SCUBE1: variants seen among roughly 807,000 people sequenced by gnomAD.
SCUBE1 encodes signal peptide, CUB and EGF-like domain-containing protein 1.
Under a neutral mutation model 124.4 loss-of-function variants are expected in SCUBE1, and 59 were observed. The ratio of observed to expected loss-of-function variants is 0.47; its 90% confidence interval spans 0.38 to 0.59. The LOEUF (loss-of-function observed/expected upper bound fraction) is 0.59. Among genes scored for constraint, SCUBE1 ranks in the 20% least tolerant of loss-of-function variants. The pLI, the probability that SCUBE1 is intolerant of heterozygous loss-of-function variation, is 0.00. For missense variants in SCUBE1, 1,150 were observed against 1,371.2 expected (o/e 0.84, Z 2.55); for synonymous variants, 545 against 550.9 (o/e 0.99, Z 0.15).
intron 16 of SCUBE1, chr22:43,213,247 CACGGAATCTCCT>C (rs1203665416): frequency 6.6e-6 from 1 of 152,438 alleles, no homozygotes; most frequent in African/African-American, 2.4e-5. Flanking sequence ...TCTACCCAAA[CACGGAATCTCCT>C]ACCAGTGGCC....
intron 2 of SCUBE1, 42 bp downstream of exon 2, chr22:43,339,062 G>C (rs1192213073): frequency 6.2e-7 from 1 of 1,609,828 alleles, no homozygotes; most frequent in Non-Finnish European, 8.5e-7. Context: ...CAGCAGCCCT[G>C]GCAGCCTCAG....
At position 43,332,914 on chromosome 22, in the gene SCUBE1, G is replaced by C. The variant is rs1437333592; in HGVS notation, c.220+6190C>G. Among the ~76,000 whole-genome samples, 3 of 152,310 alleles carry C rather than the reference G, an allele frequency of 2.0e-5. No individual in the cohort carries two copies. In the East Asian group the frequency reaches 5.8e-4, roughly 29 times the overall value. On this transcript the variant is annotated intron_variant, in intron 2 of 21. Transcript: ENST00000360835. ...GATAACTCCCCTGTCTGGGGGACCA[G>C]AGATGGCTTCCTGGAGGAGGTGACC...
intron 4 of SCUBE1, among the ~76,000 whole-genome samples, chr22:43,287,619 C>T (rs139581751): frequency 9.2e-5 from 14 of 152,350 alleles, no homozygotes; most frequent in Non-Finnish European, 1.6e-4. Context: ...TCCATCTAAT[C>T]AAAACCAGCC....
At chr22:43,207,921 T>G in intron 20 of SCUBE1, 151 bp downstream of exon 20, 1 of 921,518 alleles carries the variant, frequency 1.1e-6, no homozygotes, top group South Asian at 1.5e-5. Context: ...TCAGCCTGTC[T>G]GGCTCTGGCC....
chr22:43,325,932 G>GTTT (rs771336542), intron 2 of SCUBE1, among the ~76,000 whole-genome samples: 3 of 136,448 alleles, frequency 2.2e-5, no homozygotes, highest in Admixed American at 7.4e-5. Context: ...AGGGTGAGGT[G>GTTT]TTTTTTTTTT....
intron 3 of SCUBE1, chr22:43,317,226 G>T (rs928755272): frequency 3.9e-5 from 6 of 152,312 alleles, no homozygotes; most frequent in Non-Finnish European, 8.8e-5. Flanking sequence ...CCACAGAAAG[G>T]CAGCCGAGTC....
intron 14 of SCUBE1, 59 bp from the exon 15 acceptor site, chr22:43,218,517 C>T: frequency 6.4e-7 from 1 of 1,573,276 alleles, no homozygotes; most frequent in South Asian, 1.1e-5. Context: ...CCGCTGCCTT[C>T]TTAGCTGAGG....
In SCUBE1 at chr22:43,199,621, G is replaced by A. The variant is rs1371252132; in HGVS notation, c.*4376C>T. On this transcript the variant is annotated 3_prime_UTR_variant, in exon 22 of 22. Transcript: ENST00000360835. ...TGAGCCCTGCAGCCTGGGCCACCAT[G>A]GAGGTGGGGGAGGACTGGGCCACAC... 6.7e-6 allele frequency: 1 copy of A among 150,316 alleles called. No individual in the cohort carries two copies. Among genetic ancestry groups the A allele is most frequent in the Non-Finnish European group, 1.5e-5 (1 of 67,816 alleles). The allele number at this position is 150,316 out of a possible 1,614,324, so 9.3% of individuals were successfully genotyped here.
chr22:43,342,217 C>T (rs1927340273), intron 1 of SCUBE1, among the ~76,000 whole-genome samples: 1 of 99,822 alleles, frequency 1.0e-5, no homozygotes, highest in Non-Finnish European at 1.8e-5. Context: ...TCCAGCTTTT[C>T]GGGAAGCCCC....
At chr22:43,300,503 A>C (rs1323959199) in intron 3 of SCUBE1, among the ~76,000 whole-genome samples, 1 of 152,092 alleles carries the variant, frequency 6.6e-6, no homozygotes, top group Non-Finnish European at 1.5e-5. Context: ...AGACAGAAAC[A>C]GTCACAAAGA....
At chr22:43,245,611 C>G (rs1157671717) in intron 6 of SCUBE1, among the ~76,000 whole-genome samples, 1 of 152,182 alleles carries the variant, frequency 6.6e-6, no homozygotes, top group East Asian at 1.9e-4. Flanking sequence ...CCCCAACGCC[C>G]ATGATCCCCA....
At chr22:43,267,615 A>G (rs1398120395) in intron 4 of SCUBE1, among the ~76,000 whole-genome samples, 1 of 152,210 alleles carries the variant, frequency 6.6e-6, no homozygotes, top group Non-Finnish European at 1.5e-5. Context: ...AGCAGGGTCT[A>G]AGGGTGGCCC....
chr22:43,216,524 G>T (rs532216186), intron 15 of SCUBE1, among the ~76,000 whole-genome samples: 3 of 151,760 alleles, frequency 2.0e-5, no homozygotes, highest in Non-Finnish European at 4.4e-5. Flanking sequence ...ACGGTGGCGC[G>T]CACCTGTAGT....
intron 4 of SCUBE1, among the ~76,000 whole-genome samples, chr22:43,280,003 A>G (rs1029777194): frequency 2.0e-5 from 3 of 152,156 alleles, no homozygotes; most frequent in African/African-American, 7.2e-5. Flanking sequence ...ACTCAAGCCA[A>G]TCAAGTCCCT....
At position 43,218,279 on chromosome 22, in the gene SCUBE1, G is replaced by C. The variant is rs764626411; in HGVS notation, c.1867C>G (p.Gln623Glu). 3.7e-5 allele frequency: 59 copies of C among 1,613,210 alleles called. No individual in the cohort carries two copies. The highest frequency in any genetic ancestry group is 4.9e-5 in the Non-Finnish European group (58 of 1,180,022). Residue 623 changes from glutamine (Q) to glutamate (E), a missense_variant, in exon 15 of 22, where the codon CAG (glutamine) becomes GAG (glutamate). Physicochemically the swap from Gln to Glu is conservative, Grantham distance 29. This residue lies in a region of SCUBE1 where 757 missense variants were observed against 840.9 expected (regional missense o/e 0.90). Transcript: ENST00000360835. ...LEGQGACGAG[Q>E]VLQDSKCVAC... ...CCGCATTTGCTGTCCTGTAGCACCT[G>C]GCCTGCGCCACATGCCCCCTGCCCC...
At chr22:43,319,428 G>A (rs1038128145) in intron 3 of SCUBE1, among the ~76,000 whole-genome samples, 2 of 151,842 alleles carry the variant, frequency 1.3e-5, no homozygotes, top group African/African-American at 2.4e-5. Flanking sequence ...AGCCAGGTGT[G>A]GTGGCACGCC....
Position 43,218,410 on chromosome 22 carries a change from T to G in SCUBE1, c.1736A>C (p.Gln579Pro). The G allele has an allele frequency of 6.2e-7, 1 of 1,613,274 alleles. No homozygotes were observed. Among genetic ancestry groups the G allele is most frequent in the Non-Finnish European group, 8.5e-7 (1 of 1,180,038 alleles). Residue 579 changes from glutamine (Q) to proline (P), a missense_variant, in exon 15 of 22, where the codon CAG becomes CCG. By Grantham distance (76) the Gln-to-Pro change is moderately conservative. Transcript: ENST00000360835. Reference sequence around the variant, plus strand: ...CTTGCGCAGGGTCTTGATGGCGGCCTGCAGGCTCTGTTCTGCTCGCTTCCG... The same window carrying G: ...CTTGCGCAGGGTCTTGATGGCGGCCGGCAGGCTCTGTTCTGCTCGCTTCCG... The part of the protein sequence containing the change: ...CLRKRAEQSL[Q>P]AAIKTLRKSI...
intron 4 of SCUBE1, among the ~76,000 whole-genome samples, chr22:43,285,042 A>G (rs1925082198): frequency 6.6e-6 from 1 of 152,208 alleles, no homozygotes; most frequent in Admixed American, 6.5e-5. Flanking sequence ...AAACTCATGC[A>G]GTCCTTGCGG....
At chr22:43,316,588 A>G (rs896895623) in intron 3 of SCUBE1, among the ~76,000 whole-genome samples, 1 of 152,078 alleles carries the variant, frequency 6.6e-6, no homozygotes, top group African/African-American at 2.4e-5. Flanking sequence ...GCTCACCTCC[A>G]CAGCCCCACA....
Sources: gnomAD v4.1 joint callset for allele counts (sites outside exome capture counted in the v4.1 genomes callset) on GRCh38, gnomAD v4.1.1 for gene constraint, gnomAD v4.1.1 regional missense constraint, MANE v1.5 for transcripts, NCBI Gene and HGNC (gene_info 2026-07-23, HGNC 2026-07-21) for gene names.